Variants in SP140 observed in about 807,000 individuals in gnomAD.
SP140 encodes the protein SP140 nuclear body protein, also known as nuclear body protein SP140.
Under a neutral mutation model 125.0 loss-of-function variants are expected in SP140, and 81 were observed. That is an observed-to-expected ratio of 0.65 (90% confidence interval 0.54 to 0.78). SP140 has a LOEUF of 0.78. Among genes scored for constraint, SP140 ranks in the 30% least tolerant of loss-of-function variants. SP140 has a pLI of 0.00. For missense variants in SP140, 858 were observed against 1,037.0 expected, an observed-to-expected ratio of 0.83 and a Z score of 2.37; for synonymous variants, 312 against 354.0, an observed-to-expected ratio of 0.88 and a Z score of 1.33.
intron 3 of SP140, among the ~76,000 whole-genome samples, chr2:230,214,766 G>A (rs1036251764): frequency 3.9e-5 from 6 of 152,172 alleles, no homozygotes; most frequent in African/African-American, 1.4e-4. Flanking sequence ...GTTCATCTTA[G>A]AGAGTTGGGA....
intron 12 of SP140, among the ~76,000 whole-genome samples, 190 bp downstream of exon 12, chr2:230,255,722 A>T (rs940189168): frequency 1.5e-4 from 23 of 152,236 alleles, no homozygotes; most frequent in African/African-American, 5.3e-4. Context: ...CTTTATACAG[A>T]AGTCCATGTT....
At chr2:230,209,841 A>G in intron 1 of SP140, 1 of 812,500 alleles carries the variant, frequency 1.2e-6, no homozygotes, top group Middle Eastern at 2.2e-4. Flanking sequence ...GTGGTCACAT[A>G]GTGGTGCTCT....
chr2:230,303,093 A>T (rs955993238), intron 22 of SP140, among the ~76,000 whole-genome samples: 6 of 152,148 alleles, frequency 3.9e-5, no homozygotes, highest in African/African-American at 1.4e-4. Flanking sequence ...AAACAAAAAA[A>T]ATACAAAAGA....
chr2:230,223,651 T>G (rs559028624), upstream of SP140, among the ~76,000 whole-genome samples: 1 of 152,322 alleles, frequency 6.6e-6, no homozygotes, highest in South Asian at 2.1e-4. Context: ...CTGACATAAT[T>G]GGACATAAAA....
chr2:230,270,537 C>T (rs780506742), intron 14 of SP140, 49 bp from the exon 15 acceptor site: 2 of 1,526,672 alleles, frequency 1.3e-6, no homozygotes, highest in South Asian at 2.3e-5. Flanking sequence ...AAATCTATAA[C>T]TTTTATTTAT....
the SP140 span, among the ~76,000 whole-genome samples, chr2:230,194,839 G>A: frequency 6.6e-6 from 1 of 152,256 alleles, no homozygotes; most frequent in African/African-American, 2.4e-5. Flanking sequence ...CCTATGATAA[G>A]AGAAAAGAAG....
Position 230,229,284 on chromosome 2 carries a change from T to C in SP140, c.59+3381T>C, listed in dbSNP as rs188642191. On this transcript the variant is annotated intron_variant, in intron 1 of 26. Coordinates refer to ENST00000392045, the MANE Select transcript of SP140 (RefSeq NM_007237.5). ...ATTTATGTCCCATAACCACTCAATA[T>C]GTTGTTGATTCTATTAATTTGAATA... 2.2e-4 allele frequency among the ~76,000 whole-genome samples: 33 copies of C among 151,812 alleles called. No homozygotes were observed. In the East Asian group the frequency reaches 6.4e-3, roughly 30 times the overall value.
At chr2:230,218,904 C>G (rs2045529393) in intron 3 of SP140, among the ~76,000 whole-genome samples, 1 of 151,972 alleles carries the variant, frequency 6.6e-6, no homozygotes, top group Non-Finnish European at 1.5e-5. Context: ...ATGAATAATA[C>G]GATAAGCATG....
rs146389707 is a variant in SP140, at chr2:230,284,655, C to T, written c.1564+244C>T. ...GGAGGTGTTATCATCCTCAGTATGA[C>T]TTTCTTTCCTAGCTCAAAGTATTTT... On this transcript the variant is annotated intron_variant, in intron 16 of 26. Coordinates refer to ENST00000392045, the MANE Select transcript of SP140 (RefSeq NM_007237.5). Among the ~76,000 whole-genome samples, 621 of 152,318 alleles carry T rather than the reference C, an allele frequency of 4.1e-3. 10 individuals carry two copies. Among genetic ancestry groups the T allele is most frequent in the Admixed American group, 0.017 (266 of 15,304 alleles).
rs148661279 is a variant in SP140 at position 230,299,484 on chromosome 2, C to T, written c.2058+2022C>T. Among the ~76,000 whole-genome samples, 1,365 of 152,342 alleles carry T rather than the reference C, an allele frequency of 9.0e-3. 20 individuals are homozygous for T. The highest frequency in any genetic ancestry group is 0.03 in the African/African-American group (1,250 of 41,582). On this transcript the variant is annotated intron_variant, in intron 22 of 26. Coordinates refer to ENST00000392045, the MANE Select transcript of SP140 (RefSeq NM_007237.5). ...CCAGGGAAGCCATTTCTGACTTTATCTCACAGTCCTTGGGGAGGGCAGCCA... is the reference window on the plus strand; with the variant it reads ...CCAGGGAAGCCATTTCTGACTTTATTTCACAGTCCTTGGGGAGGGCAGCCA...
At chr2:230,266,739 A>T (rs1345616484) in intron 12 of SP140, among the ~76,000 whole-genome samples, 2 of 152,166 alleles carry the variant, frequency 1.3e-5, no homozygotes, top group African/African-American at 4.8e-5. Context: ...TTGGTCACGG[A>T]CCACTCTCAG....
At chr2:230,303,407 T>C (rs988380940) in intron 22 of SP140, among the ~76,000 whole-genome samples, 3 of 152,170 alleles carry the variant, frequency 2.0e-5, no homozygotes, top group African/African-American at 7.2e-5. Context: ...GAGATTGAAA[T>C]GGTAATTAAA....
chr2:230,303,725 C>T (rs1222384236), intron 22 of SP140, among the ~76,000 whole-genome samples: 1 of 152,142 alleles, frequency 6.6e-6, no homozygotes, highest in Non-Finnish European at 1.5e-5. Context: ...AATTAAAACC[C>T]TCCACAAAAT....
chr2:230,233,850 CT>C (rs566143486), intron 1 of SP140, among the ~76,000 whole-genome samples: 20 of 152,166 alleles, frequency 1.3e-4, no homozygotes, highest in Non-Finnish European at 2.2e-4. Flanking sequence ...CATTTAGCCT[CT>C]GAAAAATTTC....
intron 15 of SP140, among the ~76,000 whole-genome samples, chr2:230,278,692 G>A (rs551097239): frequency 1.4e-4 from 22 of 152,112 alleles, no homozygotes; most frequent in South Asian, 2.1e-4. Context: ...TAAGCCAAGC[G>A]TCTAATTTCA....
chr2:230,218,965 C>G (rs1382217602), intron 3 of SP140, among the ~76,000 whole-genome samples: 1 of 152,218 alleles, frequency 6.6e-6, no homozygotes, highest in East Asian at 1.9e-4. Flanking sequence ...TGGCTCATGC[C>G]TGTAATCCCA....
At chr2:230,304,872 GC>G (rs1203689059) in intron 22 of SP140, among the ~76,000 whole-genome samples, 1 of 152,068 alleles carries the variant, frequency 6.6e-6, no homozygotes, top group African/African-American at 2.4e-5. Flanking sequence ...GACCAAAAAC[GC>G]AAAAGCAAAT....
chr2:230,234,729 A>T (rs1281864258), intron 1 of SP140, among the ~76,000 whole-genome samples: 2 of 152,202 alleles, frequency 1.3e-5, no homozygotes, highest in African/African-American at 4.8e-5. Context: ...TTCACTTTTT[A>T]AAAATTTCAC....
intron 4 of SP140, 142 bp downstream of exon 4, chr2:230,241,629 C>G: frequency 1.6e-6 from 1 of 612,954 alleles, no homozygotes; most frequent in Non-Finnish European, 2.9e-6. Context: ...TGTACCTGCC[C>G]TTATCTGCCA....
Sources: allele counts gnomAD v4.1 joint callset (sites outside exome capture counted in the v4.1 genomes callset), GRCh38; gene constraint gnomAD v4.1.1; transcripts MANE v1.5; gene names NCBI Gene and HGNC (gene_info 2026-07-23, HGNC 2026-07-21).